Variants in SUMF1 observed in about 807,000 individuals in gnomAD.
SUMF1 encodes sulfatase modifying factor 1.
In SUMF1, 48 loss-of-function variants were observed where a neutral mutation model predicts 47.6. The observed-to-expected ratio is 1.01, with a 90% CI of 0.80 to 1.28. SUMF1 has a LOEUF of 1.28. Among genes scored for constraint, SUMF1 ranks in the 50% most tolerant of loss-of-function variants. SUMF1 has a pLI of 0.00. For missense variants in SUMF1, 571 were observed against 485.4 expected, an observed-to-expected ratio of 1.18 and a Z score of -1.66; for synonymous variants, 230 against 192.1, an observed-to-expected ratio of 1.20 and a Z score of -1.63.
At chr3:4,293,132 G>T (rs1216571666) in intron 8 of SUMF1, among the ~76,000 whole-genome samples, 1 of 152,156 alleles carries the variant, frequency 6.6e-6, no homozygotes, top group African/African-American at 2.4e-5. Flanking sequence ...TAGAGTCAGG[G>T]TTCAGGATAA....
chr3:4,368,541 T>C (rs899526221), intron 8 of SUMF1, among the ~76,000 whole-genome samples: 1 of 152,136 alleles, frequency 6.6e-6, no homozygotes, highest in African/African-American at 2.4e-5. Context: ...TGCACACGTA[T>C]GTTTATTGCG....
intron 8 of SUMF1, among the ~76,000 whole-genome samples, chr3:4,070,357 T>G (rs59983666): frequency 0.11 from 16,262 of 152,110 alleles, 1,803 homozygotes; most frequent in African/African-American, 0.26. Context: ...TAAAATATTA[T>G]ACAGTGTTTG....
chr3:4,259,265 AAAAT>A (rs528800570), intron 8 of SUMF1, among the ~76,000 whole-genome samples: 6 of 152,110 alleles, frequency 3.9e-5, no homozygotes, highest in African/African-American at 9.7e-5. Flanking sequence ...AAGTATAATA[AAAAT>A]AAATAAATAA....
At chr3:4,358,372 C>CAA (rs1280434502), downstream of SUMF1, among the ~76,000 whole-genome samples, 1 of 151,888 alleles carries the variant, frequency 6.6e-6, no homozygotes, top group Non-Finnish European at 1.5e-5. Context: ...ACAACAACAA[C>CAA]AAAAAACAAA....
chr3:4,127,650 G>T (rs1257121705), intron 8 of SUMF1, among the ~76,000 whole-genome samples: 1 of 152,072 alleles, frequency 6.6e-6, no homozygotes, highest in Non-Finnish European at 1.5e-5. Flanking sequence ...CCTTGTGATT[G>T]TGTGAGTTAA....
intron 8 of SUMF1, among the ~76,000 whole-genome samples, chr3:4,363,347 C>T (rs1699833241): frequency 6.6e-6 from 1 of 152,126 alleles, no homozygotes; most frequent in Non-Finnish European, 1.5e-5. Flanking sequence ...GACAACATTG[C>T]TTTTTAAAAA....
intron 8 of SUMF1, chr3:4,316,426 T>A (rs1312784004): frequency 6.3e-7 from 1 of 1,592,850 alleles, no homozygotes; most frequent in East Asian, 2.3e-5. Context: ...CCATCAGAAG[T>A]TGACAACGAC....
chr3:4,201,693 T>C (rs981201630), intron 8 of SUMF1, among the ~76,000 whole-genome samples: 1 of 152,058 alleles, frequency 6.6e-6, no homozygotes, highest in African/African-American at 2.4e-5. Flanking sequence ...GGTAGTTCTA[T>C]TTTTAGTTTT....
At chr3:4,440,665 G>A (rs1702555832) in intron 3 of SUMF1, among the ~76,000 whole-genome samples, 1 of 152,148 alleles carries the variant, frequency 6.6e-6, no homozygotes, top group Admixed American at 6.5e-5. Context: ...TTTTACTGCA[G>A]GGGGAAAAAA....
At chr3:4,457,761 A>T (rs1003777979) in intron 1 of SUMF1, among the ~76,000 whole-genome samples, 5 of 152,226 alleles carry the variant, frequency 3.3e-5, no homozygotes, top group Admixed American at 2.0e-4. Context: ...TAAAGACTTA[A>T]ATGTACAGTC....
At chr3:4,140,201 C>A (rs1424371372) in intron 8 of SUMF1, among the ~76,000 whole-genome samples, 1 of 152,044 alleles carries the variant, frequency 6.6e-6, no homozygotes, top group Non-Finnish European at 1.5e-5. Flanking sequence ...ATACCTCTGG[C>A]TTTCCCCTTC....
In SUMF1 at chr3:4,204,353, A is replaced by G. The variant is rs574596608; in HGVS notation, c.1015-135608T>C. ...GCCACTGAGAAGTCTGCTGCCAGAC[A>G]TATTGGAGCTCCTTTATATGTTGTT... is the stretch of plus-strand genomic sequence containing the variant. On this transcript the variant is annotated intron_variant and NMD_transcript_variant, in intron 8 of 12. Transcript: ENST00000448413. Among the ~76,000 whole-genome samples, 12 of 152,142 alleles carry G rather than the reference A, an allele frequency of 7.9e-5. No homozygotes were observed. In the South Asian group the frequency reaches 2.5e-3, roughly 32 times the overall value.
chr3:4,138,615 T>C (rs1328351061), intron 8 of SUMF1, among the ~76,000 whole-genome samples: 1 of 152,116 alleles, frequency 6.6e-6, no homozygotes, highest in African/African-American at 2.4e-5. Context: ...GCTTTGAGTA[T>C]TGTCACACAT....
chr3:4,236,798 T>C (rs559480451), intron 8 of SUMF1, among the ~76,000 whole-genome samples: 1 of 152,250 alleles, frequency 6.6e-6, no homozygotes, highest in South Asian at 2.1e-4. Context: ...TCACCCTTAG[T>C]GTTGTACATT....
chr3:4,390,191 C>A (rs1359765872), intron 7 of SUMF1, among the ~76,000 whole-genome samples: 1 of 152,164 alleles, frequency 6.6e-6, no homozygotes, highest in African/African-American at 2.4e-5. Context: ...CTTGCTCAGC[C>A]TCTATTAACG....
At chr3:4,137,175 A>T (rs1457842315) in intron 8 of SUMF1, among the ~76,000 whole-genome samples, 4 of 152,112 alleles carry the variant, frequency 2.6e-5, no homozygotes, top group Non-Finnish European at 5.9e-5. Context: ...ATGCACATGT[A>T]TGTTTACTGA....
intron 8 of SUMF1, among the ~76,000 whole-genome samples, chr3:4,113,449 A>T (rs948851370): frequency 6.6e-6 from 1 of 152,024 alleles, no homozygotes; most frequent in African/African-American, 2.4e-5. Flanking sequence ...GGATTCCCTG[A>T]GCCAGGAGGT....
chr3:4,288,567 AG>A (rs1441239793), intron 8 of SUMF1, among the ~76,000 whole-genome samples: 1 of 152,144 alleles, frequency 6.6e-6, no homozygotes, highest in Non-Finnish European at 1.5e-5. Context: ...AGAAGCTACA[AG>A]GCTGGCAGAT....
rs1008000371 is a variant in SUMF1 at position 4,303,564 on chromosome 3, C to T, written c.1014+72766G>A. On this transcript the variant is annotated intron_variant and NMD_transcript_variant, in intron 8 of 12. Transcript: ENST00000448413. ...CCAGGCGGCGCGGGAGGCGGGCGCG[C>T]GGCTCCCCCACGTGGTCTCCTCAAG... 6.7e-6 allele frequency: 9 copies of T among 1,337,398 alleles called. No homozygotes were observed. In the South Asian group the frequency reaches 1.1e-4, roughly 16 times the overall value. 82.8% of individuals were successfully genotyped at this position (1,337,398 alleles called of 1,614,324 possible).
Sources: gnomAD v4.1 joint callset for allele counts (sites outside exome capture counted in the v4.1 genomes callset) on GRCh38, gnomAD v4.1.1 for gene constraint, MANE v1.5 for transcripts, NCBI Gene and HGNC (gene_info 2026-07-23, HGNC 2026-07-21) for gene names.